The following CACNA2D3 variants were observed in gnomAD, a reference collection of about 807,000 sequenced individuals.
CACNA2D3 encodes the protein calcium voltage-gated channel auxiliary subunit alpha2delta 3.
Under a neutral mutation model 160.6 loss-of-function variants are expected in CACNA2D3, and 60 were observed. The ratio of observed to expected loss-of-function variants is 0.37; its 90% CI spans 0.30 to 0.46. CACNA2D3 has a LOEUF of 0.46. Among genes scored for constraint, CACNA2D3 ranks in the 20% least tolerant of loss-of-function variants. The probability of loss-of-function intolerance (pLI) is 1.00; values close to 1 mark genes in which losing one functional copy is unlikely to be tolerated. For synonymous variants in CACNA2D3, 558 were observed against 492.9 expected, an observed-to-expected ratio of 1.13 and a Z score of -1.75; for missense variants, 1,205 against 1,365.0, an observed-to-expected ratio of 0.88 and a Z score of 1.85.
chr3:54,191,047 C>CAAAA (rs35592309), intron 2 of CACNA2D3, among the ~76,000 whole-genome samples: 4 of 103,600 alleles, frequency 3.9e-5, no homozygotes, highest in Non-Finnish European at 6.4e-5. Context: ...TAGGTGGAAG[C>CAAAA]AAAAAAAAAA....
rs545520527 is a variant in CACNA2D3, at chr3:55,041,847, A to G, written c.2987+23530A>G. On this transcript the variant is annotated intron_variant, in intron 35 of 37. Transcript: ENST00000474759. Reference sequence around the variant, plus strand: ...GTGATATTCCACAGGTTTTGATATGATGCCTTTTACTGTCTTGTAGTTTAA... The same window carrying G: ...GTGATATTCCACAGGTTTTGATATGGTGCCTTTTACTGTCTTGTAGTTTAA... Among the ~76,000 whole-genome samples the G allele has an allele frequency of 2.6e-4, 39 of 152,156 alleles. 1 individual carries two copies. The South Asian group carries it at 7.1e-3, about 28-fold the overall frequency.
In CACNA2D3 at chr3:55,039,026, G is replaced by A. The variant is rs556748571; in HGVS notation, c.2987+20709G>A. ...GAAGGGAGTCATCAGCCATGGAACC[G>A]GGATTGTGAAGCAGAGATGCTGCCC... On this transcript the variant is annotated intron_variant, in intron 35 of 37. Coordinates refer to ENST00000474759, the MANE Select transcript of CACNA2D3 (RefSeq NM_018398.3). 6.6e-5 allele frequency among the ~76,000 whole-genome samples: 10 copies of A among 151,784 alleles called. No homozygotes were observed. The East Asian group carries it at 1.2e-3, about 18-fold the overall frequency.
intron 11 of CACNA2D3, among the ~76,000 whole-genome samples, chr3:54,730,579 T>C (rs1039391587): frequency 6.6e-6 from 1 of 152,198 alleles, no homozygotes; most frequent in African/African-American, 2.4e-5. Flanking sequence ...CTTGGCTCAC[T>C]GCAACCTCCG....
intron 25 of CACNA2D3, among the ~76,000 whole-genome samples, chr3:54,892,946 G>A (rs781304744): frequency 6.6e-6 from 1 of 152,174 alleles, no homozygotes; most frequent in Non-Finnish European, 1.5e-5. Context: ...AAAAGTGAGA[G>A]CGATGATCTC....
At chr3:54,726,512 T>C (rs573891903) in intron 11 of CACNA2D3, among the ~76,000 whole-genome samples, 3 of 152,248 alleles carry the variant, frequency 2.0e-5, no homozygotes, top group African/African-American at 7.2e-5. Flanking sequence ...CTTCAAACTA[T>C]ACTACAAGAC....
At chr3:54,824,749 C>T (rs769348981) in intron 14 of CACNA2D3, among the ~76,000 whole-genome samples, 30 of 152,146 alleles carry the variant, frequency 2.0e-4, no homozygotes, top group Non-Finnish European at 3.2e-4. Context: ...AGCACCTGCT[C>T]AGGGCCCATC....
chr3:54,643,486 C>T (rs540982694), intron 11 of CACNA2D3, among the ~76,000 whole-genome samples: 16 of 152,156 alleles, frequency 1.1e-4, no homozygotes, highest in South Asian at 6.2e-4. Flanking sequence ...AAAAAGCTGG[C>T]GGTGCTGAGC....
At chr3:54,589,274 A>G (rs1702817828) in intron 9 of CACNA2D3, among the ~76,000 whole-genome samples, 1 of 152,164 alleles carries the variant, frequency 6.6e-6, no homozygotes, top group African/African-American at 2.4e-5. Context: ...CGATGGAGGA[A>G]GGATATCTTT....
At chr3:54,125,281 A>T (rs1300045419) in intron 2 of CACNA2D3, among the ~76,000 whole-genome samples, 1 of 149,530 alleles carries the variant, frequency 6.7e-6, no homozygotes, top group Non-Finnish European at 1.5e-5. Context: ...ACACTGCACA[A>T]AACTCCGTCA....
intron 2 of CACNA2D3, among the ~76,000 whole-genome samples, chr3:54,265,393 G>A (rs962115581): frequency 1.2e-4 from 19 of 152,090 alleles, no homozygotes; most frequent in African/African-American, 3.9e-4. Context: ...TGTTGGGGTT[G>A]GGGGATAGGG....
Position 54,924,668 on chromosome 3 carries a change from A to G in CACNA2D3, c.2449+24800A>G, listed in dbSNP as rs773474384. The G allele has an allele frequency of 4.3e-6, 7 of 1,614,134 alleles. No individual in the cohort carries two copies. In the South Asian group the frequency reaches 4.4e-5, roughly 10 times the overall value. On this transcript the variant is annotated intron_variant, in intron 27 of 37. Coordinates refer to ENST00000474759, the MANE Select transcript of CACNA2D3 (RefSeq NM_018398.3). Reference sequence around the variant, plus strand: ...AGAGTTTAAGACCGAGCAAGTGGCAATTGCATTTCCAGAGGTTGTCCTTGA... The same window carrying G: ...AGAGTTTAAGACCGAGCAAGTGGCAGTTGCATTTCCAGAGGTTGTCCTTGA...
chr3:54,713,955 T>C (rs1219986493), intron 11 of CACNA2D3, among the ~76,000 whole-genome samples: 1 of 152,304 alleles, frequency 6.6e-6, no homozygotes, highest in South Asian at 2.1e-4. Flanking sequence ...GTTTCACATA[T>C]GTGATGATGG....
chr3:54,652,735 T>G (rs371429495), intron 11 of CACNA2D3, among the ~76,000 whole-genome samples: 3 of 147,694 alleles, frequency 2.0e-5, no homozygotes, highest in African/African-American at 7.5e-5. Flanking sequence ...GTGGGCACAG[T>G]GAGATGTTGG....
At chr3:54,123,717 C>T (rs1576941342) in intron 2 of CACNA2D3, 123 bp downstream of exon 2, 1 of 810,988 alleles carries the variant, frequency 1.2e-6, no homozygotes, top group East Asian at 2.5e-5. Context: ...CTCTGATCCC[C>T]GGGTTTCTTG....
chr3:54,296,638 G>T lies in CACNA2D3; in HGVS notation c.205-23804G>T, dbSNP rs1336310271. 1.3e-5 allele frequency among the ~76,000 whole-genome samples: 2 copies of T among 152,204 alleles called. 1 individual carries two copies. On this transcript the variant is annotated intron_variant, in intron 2 of 37. Transcript: ENST00000474759. The stretch of plus-strand genomic sequence containing the variant: ...GATATGATATAGAGGCCACTGGGCT[G>T]CAGAGTAGTCATTAGCTTTCCCTCA...
chr3:54,337,239 T>C (rs1341971710), intron 3 of CACNA2D3, among the ~76,000 whole-genome samples: 2 of 152,224 alleles, frequency 1.3e-5, no homozygotes, highest in Admixed American at 6.5e-5. Context: ...TCCTTGTACC[T>C]GGCTTCCCAC....
At chr3:54,628,507 C>G (rs1170161427) in intron 10 of CACNA2D3, among the ~76,000 whole-genome samples, 4 of 152,166 alleles carry the variant, frequency 2.6e-5, no homozygotes, top group African/African-American at 9.7e-5. Context: ...CAGAGAACTA[C>G]ATGGTCTTGA....
intron 11 of CACNA2D3, among the ~76,000 whole-genome samples, chr3:54,698,115 A>G (rs917916393): frequency 4.0e-5 from 6 of 151,004 alleles, no homozygotes; most frequent in Admixed American, 4.0e-4. Context: ...TTTTCAAGCT[A>G]TTTTCAGATC....
intron 4 of CACNA2D3, among the ~76,000 whole-genome samples, chr3:54,441,062 A>C (rs1284138599): frequency 6.6e-6 from 1 of 152,064 alleles, no homozygotes; most frequent in Non-Finnish European, 1.5e-5. Flanking sequence ...GAATCGCCAC[A>C]CTGACTTCCA....
Sources: gnomAD v4.1 joint callset for allele counts (sites outside exome capture counted in the v4.1 genomes callset) on GRCh38, gnomAD v4.1.1 for gene constraint, MANE v1.5 for transcripts, NCBI Gene and HGNC (gene_info 2026-07-23, HGNC 2026-07-21) for gene names.